Variants in AGBL4 observed in about 807,000 individuals in gnomAD.
AGBL4 encodes AGBL carboxypeptidase 4.
Under a neutral mutation model 66.4 loss-of-function variants are expected in AGBL4, and 58 were observed. The observed-to-expected ratio is 0.87, with a 90% CI of 0.71 to 1.09. AGBL4 has a LOEUF of 1.09. AGBL4 is among the 50% of genes least tolerant of loss of function. The probability of loss-of-function intolerance (pLI) is 0.00; values close to 1 mark genes in which losing one functional copy is unlikely to be tolerated. For missense variants in AGBL4, 579 were observed against 631.0 expected (o/e 0.92, Z 0.88); for synonymous variants, 234 against 222.9 (o/e 1.05, Z -0.44).
intron 4 of AGBL4, among the ~76,000 whole-genome samples, chr1:49,124,617 C>T (rs1054132161): frequency 6.6e-6 from 1 of 152,186 alleles, no homozygotes; most frequent in Non-Finnish European, 1.5e-5. Context: ...CTAGGCAAGT[C>T]ACCCTTCTGA....
chr1:49,244,536 T>C (rs568918421), intron 4 of AGBL4, among the ~76,000 whole-genome samples: 3 of 151,844 alleles, frequency 2.0e-5, no homozygotes, highest in Admixed American at 1.3e-4. Flanking sequence ...CCAACATTAA[T>C]AGAAAATTGC....
intron 6 of AGBL4, among the ~76,000 whole-genome samples, chr1:48,792,300 G>C (rs1466090938): frequency 6.6e-6 from 1 of 152,090 alleles, no homozygotes; most frequent in Non-Finnish European, 1.5e-5. Context: ...GAATCTCAGT[G>C]GGAGCATGGC....
At chr1:49,000,541 T>A (rs975112782) in intron 5 of AGBL4, among the ~76,000 whole-genome samples, 2 of 152,190 alleles carry the variant, frequency 1.3e-5, no homozygotes, top group Non-Finnish European at 2.9e-5. Context: ...TATGTAAAAT[T>A]AGAAAAGTTG....
chr1:49,074,190 C>G (rs951018334), intron 4 of AGBL4, among the ~76,000 whole-genome samples: 1 of 152,198 alleles, frequency 6.6e-6, no homozygotes, highest in Admixed American at 6.5e-5. Flanking sequence ...GGCATGGGAC[C>G]TGCTGAGCCA....
chr1:48,785,591 A>G (rs954075431), intron 6 of AGBL4, among the ~76,000 whole-genome samples: 1 of 152,200 alleles, frequency 6.6e-6, no homozygotes, highest in African/African-American at 2.4e-5. Flanking sequence ...AGAGAACAAA[A>G]TGGAAATAAA....
intron 3 of AGBL4, among the ~76,000 whole-genome samples, chr1:49,372,601 TTTTCTTTTTCTTTCTTTC>T (rs1365765105): frequency 6.7e-6 from 1 of 148,624 alleles, no homozygotes; most frequent in South Asian, 2.1e-4. Flanking sequence ...TTTCTTTTCT[TTTTCTTTTTCTTTCTTTC>T]TTTCTTTCTT....
chr1:49,719,738 T>G lies in AGBL4; in HGVS notation c.158-22301A>C, dbSNP rs1648447009. On this transcript the variant is annotated intron_variant, in intron 2 of 13. Transcript: ENST00000371839. ...AATTGTAGTTCCTATAATTCCCACA[T>G]GCTATGGGAGGGATCTGGTGGGAGG... is the stretch of plus-strand genomic sequence containing the variant. Among the ~76,000 whole-genome samples, 5 of 152,108 alleles carry G rather than the reference T, an allele frequency of 3.3e-5. No individual in the cohort carries two copies. The South Asian group carries it at 1.0e-3, about 31-fold the overall frequency.
intron 3 of AGBL4, among the ~76,000 whole-genome samples, chr1:49,354,036 TGTC>T (rs1189754947): frequency 6.6e-6 from 1 of 152,196 alleles, no homozygotes; most frequent in Non-Finnish European, 1.5e-5. Context: ...TGTAAAAGGC[TGTC>T]ACCCTGACTG....
intron 4 of AGBL4, among the ~76,000 whole-genome samples, chr1:49,152,662 C>T (rs922113140): frequency 6.6e-6 from 1 of 152,162 alleles, no homozygotes; most frequent in South Asian, 2.1e-4. Context: ...CAAATTAATG[C>T]AGTTTTCATT....
chr1:49,978,873 G>A (rs1225087644), intron 1 of AGBL4, among the ~76,000 whole-genome samples: 1 of 152,028 alleles, frequency 6.6e-6, no homozygotes, highest in African/African-American at 2.4e-5. Flanking sequence ...AAACACATGT[G>A]AGCCATTAGA....
chr1:48,788,491 CTTAAG>C lies in AGBL4; in HGVS notation c.634+78695_634+78699del, dbSNP rs552938951. On this transcript the variant is annotated intron_variant, in intron 6 of 13. Coordinates refer to ENST00000371839, the MANE Select transcript of AGBL4 (RefSeq NM_032785.4). Reference sequence around the variant, plus strand: ...GTCTGTACTTTTATAAATTGTAGGACTTAAGTTGAGTTTGGGGTTTTATTGTCTGC... The same window carrying C: ...GTCTGTACTTTTATAAATTGTAGGACTTGAGTTTGGGGTTTTATTGTCTGC... 8.5e-4 allele frequency among the ~76,000 whole-genome samples: 129 copies of C among 152,248 alleles called. 1 individual carries two copies. The highest frequency in any genetic ancestry group is 2.8e-3 in the African/African-American group (116 of 41,548).
At chr1:49,016,938 C>T (rs114542016) in intron 5 of AGBL4, among the ~76,000 whole-genome samples, 1,575 of 152,332 alleles carry the variant, frequency 0.01, 24 homozygotes, top group African/African-American at 0.036. Context: ...AAAGGCCACA[C>T]TACACATTAA....
intron 1 of AGBL4, among the ~76,000 whole-genome samples, chr1:50,014,829 G>A (rs982465443): frequency 9.9e-5 from 15 of 152,004 alleles, no homozygotes; most frequent in African/African-American, 3.4e-4. Flanking sequence ...CCAGCCAAAA[G>A]GATTTTTAAT....
At position 49,049,657 on chromosome 1, in the gene AGBL4, ATAAAG is replaced by A. The variant is rs539856165; in HGVS notation, c.378-3862_378-3858del. On this transcript the variant is annotated intron_variant, in intron 4 of 13. Coordinates refer to ENST00000371839, the MANE Select transcript of AGBL4 (RefSeq NM_032785.4). ...ACAAGAAGGCAGATTCTAGTTCAGT[ATAAAG>A]TAGAGACTCTTTAACATTCAGCTGA... 1.2e-4 allele frequency among the ~76,000 whole-genome samples: 19 copies of A among 152,192 alleles called. No individual in the cohort carries two copies. In the South Asian group the frequency reaches 3.9e-3, roughly 32 times the overall value.
At chr1:49,611,438 G>A (rs569286443) in intron 3 of AGBL4, among the ~76,000 whole-genome samples, 37 of 147,642 alleles carry the variant, frequency 2.5e-4, no homozygotes, top group African/African-American at 8.5e-4. Context: ...GTGCAGTGGC[G>A]CAATCTCAAC....
intron 6 of AGBL4, among the ~76,000 whole-genome samples, chr1:48,708,818 C>T (rs1646918981): frequency 1.3e-5 from 2 of 152,194 alleles, no homozygotes; most frequent in Non-Finnish European, 2.9e-5. Context: ...CCACTGGCCA[C>T]CTCCCTCTGC....
intron 2 of AGBL4, among the ~76,000 whole-genome samples, chr1:49,825,696 C>T: frequency 6.6e-6 from 1 of 152,166 alleles, no homozygotes; most frequent in Non-Finnish European, 1.5e-5. Flanking sequence ...AAAAGACTGA[C>T]CTCCTTGAGT....
chr1:49,705,928 C>G (rs1476662910), intron 2 of AGBL4, among the ~76,000 whole-genome samples: 1 of 152,128 alleles, frequency 6.6e-6, no homozygotes, highest in African/African-American at 2.4e-5. Flanking sequence ...TTTCAATGTG[C>G]TGCTGGATTC....
At chr1:48,677,822 G>A (rs1053825769) in intron 6 of AGBL4, among the ~76,000 whole-genome samples, 2 of 152,218 alleles carry the variant, frequency 1.3e-5, no homozygotes, top group African/African-American at 2.4e-5. Flanking sequence ...GTCCTGTCAA[G>A]CCTCAGGAGA....
Sources: gnomAD v4.1 joint callset for allele counts (sites outside exome capture counted in the v4.1 genomes callset) on GRCh38, gnomAD v4.1.1 for gene constraint, MANE v1.5 for transcripts, NCBI Gene and HGNC (gene_info 2026-07-23, HGNC 2026-07-21) for gene names.